SHISA5: variants seen among roughly 807,000 people sequenced by gnomAD.
The protein encoded by SHISA5 is shisa family member 5.
Under a neutral mutation model 27.5 loss-of-function variants are expected in SHISA5, and 21 were observed. The observed-to-expected ratio is 0.76, with a 90% CI of 0.54 to 1.10. The LOEUF (loss-of-function observed/expected upper bound fraction) is 1.10, where lower values mean the gene tolerates loss of function less well. Ranked by LOEUF, SHISA5 falls within the 50% of genes least tolerant of loss-of-function variation. The probability of loss-of-function intolerance (pLI) is 0.00; values close to 1 mark genes in which losing one functional copy is unlikely to be tolerated. For synonymous variants in SHISA5, 137 were observed against 142.2 expected, an observed-to-expected ratio of 0.96 and a Z score of 0.26; for missense variants, 314 against 336.3, an observed-to-expected ratio of 0.93 and a Z score of 0.52.
intron 2 of SHISA5, among the ~76,000 whole-genome samples, chr3:48,484,237 T>A (rs894409686): frequency 9.9e-5 from 15 of 152,222 alleles, no homozygotes; most frequent in Admixed American, 7.9e-4. Flanking sequence ...GTAAAAGCGT[T>A]ATAAACAATT....
chr3:48,485,768 A>G (rs920472843), intron 2 of SHISA5, among the ~76,000 whole-genome samples: 1 of 151,356 alleles, frequency 6.6e-6, no homozygotes, highest in Non-Finnish European at 1.5e-5. Flanking sequence ...GGCTGGGGAC[A>G]AAGATCCAGA....
At chr3:48,497,926 A>G (rs923943043) in intron 2 of SHISA5, among the ~76,000 whole-genome samples, 3 of 152,014 alleles carry the variant, frequency 2.0e-5, no homozygotes, top group Non-Finnish European at 4.4e-5. Flanking sequence ...ATTTCTTTCA[A>G]TGAGAGACAC....
chr3:48,501,354 C>T (rs1387488088), intron 1 of SHISA5, 61 bp from the exon 2 acceptor site: 15 of 1,566,320 alleles, frequency 9.6e-6, no homozygotes, highest in Middle Eastern at 1.7e-4. Flanking sequence ...GCAGACACAG[C>T]GCCCTCCCTG....
intron 2 of SHISA5, among the ~76,000 whole-genome samples, chr3:48,485,642 A>G (rs1049943707): frequency 6.9e-6 from 1 of 144,710 alleles, no homozygotes; most frequent in African/African-American, 2.5e-5. Context: ...ATATATAAGT[A>G]TATATTATAT....
chr3:48,501,152 G>A lies in SHISA5; in HGVS notation c.218C>T (p.Ala73Val), dbSNP rs1326048491. ...GTGCACCCACCTGGCCTCAGGCACA[G>A]CACACCTTTCCTCGCTCCACACAAA... ...KKFVWSEERC[A>V]VPEASVPASV... The change falls in exon 2 of 6, where the codon GCT (alanine) becomes GTT (valine). Residue 73 changes from alanine (A) to valine (V), a missense_variant. Transcript: ENST00000296444. The A allele has an allele frequency of 2.5e-6, 4 of 1,612,472 alleles. No individual in the cohort carries two copies. Among genetic ancestry groups the A allele is most frequent in the African/African-American group, 1.3e-5 (1 of 74,782 alleles).
rs760753938 is a variant in SHISA5, at chr3:48,479,190, C to CGTT, written c.298_300dup (p.Asn100dup). 3 of 1,609,980 alleles carry CGTT rather than the reference C, an allele frequency of 1.9e-6. No individual in the cohort carries two copies. Among genetic ancestry groups the CGTT allele is most frequent in the Non-Finnish European group, 2.5e-6 (3 of 1,178,736 alleles). On this transcript the variant is annotated inframe_insertion, in exon 3 of 6. Transcript: ENST00000296444. ...GGCTTTACTTACCCTGACATGGGGT[C>CGTT]GTTGTAGCCAGGGCGAAACCTCAGC...
intron 3 of SHISA5, among the ~76,000 whole-genome samples, chr3:48,471,922 G>C (rs2040641255): frequency 6.6e-6 from 1 of 152,122 alleles, no homozygotes; most frequent in Admixed American, 6.5e-5. Context: ...AAACTGGCCA[G>C]GCGCGGTGGC....
Position 48,469,794 on chromosome 3 carries a change from C to T in SHISA5, c.364G>A (p.Val122Ile), listed in dbSNP as rs149466739. 8.8e-5 allele frequency: 142 copies of T among 1,614,084 alleles called. 1 individual carries two copies. The East Asian group carries it at 1.6e-3, about 19-fold the overall frequency. ...CAGGTGAAGCAGATGATGATAGTGA[C>T]GACAGACAGCACAAAGATGGTCAGG... ...VGLTIFVLSV[V>I]TIIICFTCSC... Residue 122 changes from valine to isoleucine, a missense_variant, in exon 4 of 6, where the codon GTC (valine) becomes ATC (isoleucine). By Grantham distance (29) the Val-to-Ile change is conservative. Transcript: ENST00000296444. This position sits in a 1 kb window ranked among gnomAD's most constrained non-coding sequence, Gnocchi z 4.6.
chr3:48,471,578 A>T lies in SHISA5; in HGVS notation c.315-1735T>A, dbSNP rs1021813016. 7.7e-4 allele frequency among the ~76,000 whole-genome samples: 87 copies of T among 113,618 alleles called. 11 individuals are homozygous for T. Among genetic ancestry groups the T allele is most frequent in the South Asian group, 1.7e-3 (6 of 3,456 alleles). 74.5% of individuals were successfully genotyped at this position (113,618 alleles called of 152,430 possible). Reference sequence around the variant, plus strand: ...TCAAAAAAAAAAAAAAAAAAAAAAAAGTCAGCCTTACATTTTGTACTGGAT... The same window carrying T: ...TCAAAAAAAAAAAAAAAAAAAAAAATGTCAGCCTTACATTTTGTACTGGAT... On this transcript the variant is annotated intron_variant, in intron 3 of 5. Coordinates refer to ENST00000296444, the MANE Select transcript of SHISA5 (RefSeq NM_016479.6).
Position 48,468,837 on chromosome 3 carries a change from T to G in SHISA5, c.*270A>C. 1.3e-6 allele frequency: 2 copies of G among 1,487,772 alleles called. No individual in the cohort carries two copies. The highest frequency in any genetic ancestry group is 2.7e-5 in the East Asian group (1 of 36,498). The allele number at this position is 1,487,772 out of a possible 1,614,324, so 92.2% of individuals were successfully genotyped here. ...AGGGTGCCCCCCACCACCCCATTCT[T>G]TGAGTTTGGCTTGAGATTTTAGGAA... On this transcript the variant is annotated 3_prime_UTR_variant, in exon 6 of 6. Transcript: ENST00000296444.
At chr3:48,495,916 C>A (rs1281693893) in intron 2 of SHISA5, among the ~76,000 whole-genome samples, 3 of 146,972 alleles carry the variant, frequency 2.0e-5, no homozygotes, top group Non-Finnish European at 4.4e-5. Flanking sequence ...TTTGGGAGGC[C>A]AAGGAGGGCA....
At chr3:48,487,965 T>C (rs1375084163) in intron 2 of SHISA5, among the ~76,000 whole-genome samples, 1 of 152,166 alleles carries the variant, frequency 6.6e-6, no homozygotes, top group Non-Finnish European at 1.5e-5. Context: ...CTTTAGATGT[T>C]AAACAAAACA....
chr3:48,468,759 A>G lies in SHISA5; in HGVS notation c.*348T>C. The G allele has an allele frequency of 5.1e-6, 7 of 1,374,828 alleles. No individual in the cohort carries two copies. Among genetic ancestry groups the G allele is most frequent in the South Asian group, 1.2e-5 (1 of 82,286 alleles). 85.2% of individuals were successfully genotyped at this position (1,374,828 alleles called of 1,614,324 possible). On this transcript the variant is annotated 3_prime_UTR_variant, in exon 6 of 6. Coordinates refer to ENST00000296444, the MANE Select transcript of SHISA5 (RefSeq NM_016479.6). ...TTGGTCACCCTAGGGTAAGCTGGAGAAGAACTCCAGATGTGCCCTGGAGAG... is the reference window on the plus strand; with the variant it reads ...TTGGTCACCCTAGGGTAAGCTGGAGGAGAACTCCAGATGTGCCCTGGAGAG...
rs1468743726 is a variant in SHISA5 at position 48,468,829 on chromosome 3, C to T, written c.*278G>A. On this transcript the variant is annotated 3_prime_UTR_variant, in exon 6 of 6. Coordinates refer to ENST00000296444, the MANE Select transcript of SHISA5 (RefSeq NM_016479.6). ...CACCTCACAGGGTGCCCCCCACCAC[C>T]CCATTCTTTGAGTTTGGCTTGAGAT... 9 of 1,483,764 alleles carry T rather than the reference C, an allele frequency of 6.1e-6. No individual in the cohort carries two copies. Among genetic ancestry groups the T allele is most frequent in the East Asian group, 2.8e-5 (1 of 36,174 alleles). 91.9% of individuals were successfully genotyped at this position (1,483,764 alleles called of 1,614,324 possible). A position where few individuals can be genotyped will look rare whatever the true frequency, so the allele number is the denominator to read the frequency against.
rs1056336240 is a variant in SHISA5 at position 48,473,173 on chromosome 3, G to A, written c.315-3330C>T. 1.4e-5 allele frequency: 20 copies of A among 1,441,124 alleles called. No homozygotes were observed. The highest frequency in any genetic ancestry group is 4.3e-5 in the South Asian group (3 of 69,238). 89.3% of individuals were successfully genotyped at this position (1,441,124 alleles called of 1,614,324 possible). A position where few individuals can be genotyped will look rare whatever the true frequency, so the allele number is the denominator to read the frequency against. On this transcript the variant is annotated intron_variant, in intron 3 of 5. Transcript: ENST00000296444. This position sits in a 1 kb window ranked among gnomAD's most constrained non-coding sequence, Gnocchi z 4.3. ...ACAGGAAGCACAGACGCGAAGCCCC[G>A]TTCCACCCTCTTAAAGACACAGGAT... is the stretch of plus-strand genomic sequence containing the variant.
In SHISA5 at chr3:48,496,062, G is replaced by A. The variant is rs1416617017; in HGVS notation, c.233+5075C>T. Among the ~76,000 whole-genome samples the A allele has an allele frequency of 5.5e-5, 8 of 145,022 alleles. 2 individuals are homozygous for A. The highest frequency in any genetic ancestry group is 1.1e-4 in the African/African-American group (4 of 35,734). ...AGCACTTTGGGAGGCCGAGGCAGGC[G>A]GATCACAAGGTCAGGCGTTCGAGAC... On this transcript the variant is annotated intron_variant, in intron 2 of 5. Coordinates refer to ENST00000296444, the MANE Select transcript of SHISA5 (RefSeq NM_016479.6).
chr3:48,504,701 T>G (rs2041848694), upstream of SHISA5: 1 of 152,388 alleles, frequency 6.6e-6, no homozygotes, highest in Admixed American at 6.6e-5. This position sits in a 1 kb window ranked among gnomAD's most constrained non-coding sequence, Gnocchi z 4.0. Flanking sequence ...CAGAGGACAC[T>G]CGATCTCCTG....
At position 48,475,574 on chromosome 3, in the gene SHISA5, G is replaced by A. The variant is rs542467850; in HGVS notation, c.314+3603C>T. Reference sequence around the variant, plus strand: ...AGGGCCTGAGAACCACAGAAAGGACGCTTTGAGGGCTGGGAGGTAGCACCG... The same window carrying A: ...AGGGCCTGAGAACCACAGAAAGGACACTTTGAGGGCTGGGAGGTAGCACCG... On this transcript the variant is annotated intron_variant, in intron 3 of 5. Transcript: ENST00000296444. Among the ~76,000 whole-genome samples the A allele has an allele frequency of 3.9e-5, 6 of 152,312 alleles. No individual in the cohort carries two copies. In the South Asian group the frequency reaches 6.2e-4, roughly 16 times the overall value.
rs943208375 is a variant in SHISA5 at position 48,473,977 on chromosome 3, T to C, written c.315-4134A>G. On this transcript the variant is annotated intron_variant, in intron 3 of 5. Transcript: ENST00000296444. This position sits in a 1 kb window ranked among gnomAD's most constrained non-coding sequence, Gnocchi z 4.3. ...GCTACTCAGGAGGCTTTCTCCAGCC[T>C]GGGAGACTGAGTGAGAATCTGTCTC... Among the ~76,000 whole-genome samples the C allele has an allele frequency of 2.9e-5, 4 of 138,684 alleles. No homozygotes were observed. The highest frequency in any genetic ancestry group is 1.1e-4 in the African/African-American group (4 of 35,830). The allele number at this position is 138,684 out of a possible 152,430, so 91.0% of individuals were successfully genotyped here.
Sources: allele counts gnomAD v4.1 joint callset (sites outside exome capture counted in the v4.1 genomes callset), GRCh38; gene constraint gnomAD v4.1.1; non-coding constraint Gnocchi (gnomAD v3.1); transcripts MANE v1.5; gene names NCBI Gene and HGNC (gene_info 2026-07-23, HGNC 2026-07-21).